The following TINAG variants were observed in gnomAD, a reference collection of about 807,000 sequenced individuals.
The protein encoded by TINAG is tubulointerstitial nephritis antigen.
In TINAG, 83 loss-of-function variants were observed where a neutral mutation model predicts 72.7. The ratio of observed to expected loss-of-function variants is 1.14; its 90% CI spans 0.96 to 1.37. The LOEUF (loss-of-function observed/expected upper bound fraction) is 1.37. Among genes scored for constraint, TINAG ranks in the 40% most tolerant of loss-of-function variants. The probability of loss-of-function intolerance (pLI) is 0.00; values close to 1 mark genes in which losing one functional copy is unlikely to be tolerated. For synonymous variants in TINAG, 234 were observed against 189.9 expected (o/e 1.23, Z -1.91); for missense variants, 685 against 576.6 (o/e 1.19, Z -1.93).
intron 10 of TINAG, among the ~76,000 whole-genome samples, chr6:54,386,901 A>G (rs1382352082): frequency 6.6e-6 from 1 of 152,208 alleles, no homozygotes; most frequent in Non-Finnish European, 1.5e-5. Context: ...ACTTTTTAAG[A>G]ATAAATTATC....
intron 9 of TINAG, among the ~76,000 whole-genome samples, chr6:54,361,895 C>T (rs913498932): frequency 1.3e-5 from 2 of 151,774 alleles, no homozygotes; most frequent in East Asian, 2.0e-4. Context: ...AAACAAGCCA[C>T]AACATGTCCT....
At chr6:54,360,582 T>TTATTTAA (rs1278903988) in intron 9 of TINAG, among the ~76,000 whole-genome samples, 1 of 151,690 alleles carries the variant, frequency 6.6e-6, no homozygotes, top group Non-Finnish European at 1.5e-5. Flanking sequence ...GGTCTAAGCT[T>TTATTTAA]TATTTAATCC....
intron 4 of TINAG, among the ~76,000 whole-genome samples, chr6:54,329,053 G>A (rs1784675854): frequency 6.6e-6 from 1 of 152,034 alleles, no homozygotes; most frequent in African/African-American, 2.4e-5. Context: ...ACACACTTCA[G>A]GATATTATCC....
chr6:54,384,542 T>C (rs1451316550), intron 10 of TINAG, among the ~76,000 whole-genome samples: 1 of 152,102 alleles, frequency 6.6e-6, no homozygotes, highest in Non-Finnish European at 1.5e-5. Flanking sequence ...AAAAGGAAAG[T>C]AGAAGACTGC....
At chr6:54,389,445 C>T (rs936941077) in intron 10 of TINAG, among the ~76,000 whole-genome samples, 1 of 152,102 alleles carries the variant, frequency 6.6e-6, no homozygotes, top group Non-Finnish European at 1.5e-5. Context: ...ATTTATCTTT[C>T]GTCTTCCAGC....
At chr6:54,371,981 GTTTTTTT>G (rs576340253) in intron 9 of TINAG, among the ~76,000 whole-genome samples, 25 of 71,422 alleles carry the variant, frequency 3.5e-4, no homozygotes, top group African/African-American at 1.1e-3. Flanking sequence ...TTCAAGTCAT[GTTTTTTT>G]TTTTTTTTTT....
chr6:54,334,314 A>G (rs933998081), intron 4 of TINAG, among the ~76,000 whole-genome samples: 2 of 152,196 alleles, frequency 1.3e-5, no homozygotes, highest in Non-Finnish European at 2.9e-5. Flanking sequence ...TTTAGCAGGC[A>G]AGATTATTGT....
chr6:54,367,507 A>G (rs1338997920), intron 9 of TINAG, among the ~76,000 whole-genome samples: 2 of 151,792 alleles, frequency 1.3e-5, no homozygotes, highest in Non-Finnish European at 2.9e-5. Context: ...AATGAATGGC[A>G]TAAAAGTATA....
chr6:54,320,706 G>T (rs1784471499), intron 2 of TINAG, 64 bp downstream of exon 2: 3 of 1,357,562 alleles, frequency 2.2e-6, no homozygotes, highest in Non-Finnish European at 3.1e-6. Flanking sequence ...TCAAATAAAA[G>T]AAATATTTGT....
chr6:54,350,123 AGGAAATAG>A (rs1325696352), intron 7 of TINAG, among the ~76,000 whole-genome samples: 2 of 152,074 alleles, frequency 1.3e-5, no homozygotes, highest in African/African-American at 4.8e-5. Context: ...AAAATGTCCA[AGGAAATAG>A]GGTTTTAAAA....
At chr6:54,333,364 G>A (rs1290363508) in intron 4 of TINAG, among the ~76,000 whole-genome samples, 2 of 152,022 alleles carry the variant, frequency 1.3e-5, no homozygotes, top group African/African-American at 2.4e-5. Flanking sequence ...AACTAAGACA[G>A]GAACAGAAAA....
chr6:54,348,489 A>G (rs1291705423), intron 6 of TINAG, among the ~76,000 whole-genome samples: 2 of 152,004 alleles, frequency 1.3e-5, no homozygotes, highest in Non-Finnish European at 2.9e-5. Context: ...TTCAACGCAA[A>G]CACTGATGTT....
intron 3 of TINAG, 76 bp from the exon 4 acceptor site, chr6:54,326,726 G>A (rs2150940968): frequency 1.9e-6 from 2 of 1,065,492 alleles, no homozygotes. Context: ...GAAATATAAA[G>A]GAAAATGTAT....
At chr6:54,361,066 G>A (rs1244632311) in intron 9 of TINAG, among the ~76,000 whole-genome samples, 2 of 150,494 alleles carry the variant, frequency 1.3e-5, no homozygotes, top group Admixed American at 6.7e-5. Context: ...TTATTTTGGG[G>A]TGCCGCAAAC....
At position 54,352,111 on chromosome 6, in the gene TINAG, G is replaced by A. The variant is rs3777639; in HGVS notation, c.1126+714G>A. On this transcript the variant is annotated intron_variant, in intron 8 of 10. Coordinates refer to ENST00000259782, the MANE Select transcript of TINAG (RefSeq NM_014464.4). ...TATAAACATTGGCTTGAAGTGCATGGAAGAACAAATCCAATGAGGTCTAAA... is the reference window on the plus strand; with the variant it reads ...TATAAACATTGGCTTGAAGTGCATGAAAGAACAAATCCAATGAGGTCTAAA... 9.2e-3 allele frequency among the ~76,000 whole-genome samples: 1,401 copies of A among 151,828 alleles called. 31 individuals carry two copies. Among genetic ancestry groups the A allele is most frequent in the East Asian group, 0.052 (268 of 5,130 alleles).
chr6:54,318,690 T>A (rs1784425038), intron 1 of TINAG, among the ~76,000 whole-genome samples: 1 of 152,108 alleles, frequency 6.6e-6, no homozygotes, highest in African/African-American at 2.4e-5. Context: ...GGAAGCTACA[T>A]GATGTATATT....
intron 7 of TINAG, among the ~76,000 whole-genome samples, chr6:54,350,248 T>C (rs1785232973): frequency 6.6e-6 from 1 of 152,012 alleles, no homozygotes; most frequent in Non-Finnish European, 1.5e-5. Context: ...ATTTTATCAA[T>C]CCTTTGCCTC....
chr6:54,371,644 A>G (rs1402937327), intron 9 of TINAG, among the ~76,000 whole-genome samples: 1 of 151,992 alleles, frequency 6.6e-6, no homozygotes, highest in Non-Finnish European at 1.5e-5. Context: ...AGGAAAAGAG[A>G]AATGTAATGA....
At chr6:54,350,163 T>C (rs1785230180) in intron 7 of TINAG, among the ~76,000 whole-genome samples, 1 of 152,112 alleles carries the variant, frequency 6.6e-6, no homozygotes, top group African/African-American at 2.4e-5. Context: ...AATATGTGTA[T>C]ATACATATAT....
Sources: allele counts gnomAD v4.1 joint callset (sites outside exome capture counted in the v4.1 genomes callset), GRCh38; gene constraint gnomAD v4.1.1; transcripts MANE v1.5; gene names NCBI Gene and HGNC (gene_info 2026-07-23, HGNC 2026-07-21).